The following IQCM variants were observed in gnomAD, a reference collection of about 807,000 sequenced individuals.
IQCM encodes the protein IQ motif containing M.
A neutral mutation model predicts 57.6 loss-of-function variants in IQCM; 45 were observed. The observed-to-expected ratio is 0.78, with a 90% confidence interval of 0.62 to 1.00. IQCM has a LOEUF of 1.00. IQCM is among the 50% of genes least tolerant of loss of function. The pLI, the probability that IQCM is intolerant of heterozygous loss-of-function variation, is 0.00. For synonymous variants in IQCM, 148 were observed against 158.9 expected (o/e 0.93, Z 0.51); for missense variants, 468 against 511.6 (o/e 0.91, Z 0.82).
At chr4:149,540,690 C>T (rs1747766101) in intron 12 of IQCM, among the ~76,000 whole-genome samples, 1 of 152,042 alleles carries the variant, frequency 6.6e-6, no homozygotes, top group Non-Finnish European at 1.5e-5. Flanking sequence ...TATTTTTATT[C>T]TATTAATGAA....
At chr4:149,395,457 C>T (rs1311208198) in intron 13 of IQCM, among the ~76,000 whole-genome samples, 1 of 151,946 alleles carries the variant, frequency 6.6e-6, no homozygotes, top group Non-Finnish European at 1.5e-5. Context: ...GCTGCTCTTT[C>T]GAGAATGATT....
chr4:149,584,602 T>C (rs1292563339), intron 9 of IQCM, among the ~76,000 whole-genome samples: 1 of 151,470 alleles, frequency 6.6e-6, no homozygotes, highest in Admixed American at 6.6e-5. Context: ...TTTAACATTA[T>C]AGCTCTGTTT....
rs148579124 is a variant in IQCM at position 149,609,884 on chromosome 4, G to A, written c.681+11245C>T. On this transcript the variant is annotated intron_variant, in intron 8 of 13. Coordinates refer to ENST00000636793, the MANE Select transcript of IQCM (RefSeq NM_001363507.2). Reference sequence around the variant, plus strand: ...CAACATAGCACTATAAGTCTTAGACGGAGTATTTAACAAGAAAAATAAAGG... The same window carrying A: ...CAACATAGCACTATAAGTCTTAGACAGAGTATTTAACAAGAAAAATAAAGG... Among the ~76,000 whole-genome samples, 1,025 of 151,206 alleles carry A rather than the reference G, an allele frequency of 6.8e-3. 8 individuals carry two copies. Among genetic ancestry groups the A allele is most frequent in the African/African-American group, 0.022 (912 of 41,394 alleles).
In IQCM at chr4:149,482,205, A is replaced by G. The variant is rs533212352; in HGVS notation, c.1229-48648T>C. ...GAAGTCTGTAGGCTTTTCCAAATAT[A>G]AGATCACATCATCTGCAAATAAAGA... On this transcript the variant is annotated intron_variant, in intron 12 of 13. Coordinates refer to ENST00000636793, the MANE Select transcript of IQCM (RefSeq NM_001363507.2). 4.7e-4 allele frequency among the ~76,000 whole-genome samples: 72 copies of G among 152,130 alleles called. 1 individual carries two copies. The South Asian group carries it at 0.015, about 32-fold the overall frequency.
intron 5 of IQCM, among the ~76,000 whole-genome samples, chr4:149,723,192 T>G (rs1489804426): frequency 6.6e-6 from 1 of 151,776 alleles, no homozygotes; most frequent in South Asian, 2.1e-4. Context: ...TTTGGAGGAG[T>G]CTTTAGGGTT....
At chr4:149,610,072 G>A (rs766648024) in intron 8 of IQCM, among the ~76,000 whole-genome samples, 26 of 151,772 alleles carry the variant, frequency 1.7e-4, no homozygotes, top group Non-Finnish European at 2.7e-4. Flanking sequence ...TCAGTAGCAT[G>A]TTTATATGCC....
At position 149,476,686 on chromosome 4, in the gene IQCM, T is replaced by C. The variant is rs544433386; in HGVS notation, c.1229-43129A>G. Among the ~76,000 whole-genome samples the C allele has an allele frequency of 6.4e-4, 98 of 152,292 alleles. No individual in the cohort carries two copies. The Middle Eastern group carries it at 0.01, about 16-fold the overall frequency. Reference sequence around the variant, plus strand: ...TAGAGGAGGCTGGATCCCATATATCTATCAGACTAGATTTAGTCTAAGCTC... The same window carrying C: ...TAGAGGAGGCTGGATCCCATATATCCATCAGACTAGATTTAGTCTAAGCTC... On this transcript the variant is annotated intron_variant, in intron 12 of 13. Transcript: ENST00000636793.
intron 12 of IQCM, among the ~76,000 whole-genome samples, chr4:149,475,961 T>C (rs576450300): frequency 7.9e-5 from 12 of 152,230 alleles, no homozygotes; most frequent in African/African-American, 2.9e-4. Flanking sequence ...TGGATGACTC[T>C]TTCAAGAAAG....
chr4:149,522,726 A>T (rs1745778469), intron 12 of IQCM, among the ~76,000 whole-genome samples: 1 of 152,174 alleles, frequency 6.6e-6, no homozygotes, highest in Non-Finnish European at 1.5e-5. Flanking sequence ...AGAAAAAAGT[A>T]ACTACAGAAG....
chr4:149,785,082 A>C (rs1229650836), intron 2 of IQCM, among the ~76,000 whole-genome samples: 1 of 152,224 alleles, frequency 6.6e-6, no homozygotes, highest in East Asian at 1.9e-4. Flanking sequence ...CAGAAAATGC[A>C]TCCATGGCTA....
intron 2 of IQCM, among the ~76,000 whole-genome samples, chr4:149,789,391 C>T (rs1309615881): frequency 1.3e-5 from 2 of 152,140 alleles, no homozygotes; most frequent in Admixed American, 1.3e-4. Flanking sequence ...GCCATTTGTA[C>T]CCCCAATTCC....
chr4:149,380,741 A>T (rs1160846451), intron 13 of IQCM, among the ~76,000 whole-genome samples: 3 of 152,152 alleles, frequency 2.0e-5, no homozygotes, highest in Admixed American at 6.5e-5. Context: ...GAGTGCTAAG[A>T]CATCCCACAG....
chr4:149,497,762 A>G (rs992441006), intron 12 of IQCM, among the ~76,000 whole-genome samples: 2 of 150,984 alleles, frequency 1.3e-5, no homozygotes, highest in Non-Finnish European at 3.0e-5. Context: ...AAAAAAAAAA[A>G]GGAAGAAAAA....
At chr4:149,573,873 C>A (rs1024409315) in intron 9 of IQCM, among the ~76,000 whole-genome samples, 4 of 151,872 alleles carry the variant, frequency 2.6e-5, no homozygotes, top group Admixed American at 6.6e-5. Flanking sequence ...TAATTCCAAG[C>A]CTTCTTGATC....
intron 5 of IQCM, among the ~76,000 whole-genome samples, chr4:149,692,250 A>G (rs547951940): frequency 2.0e-5 from 3 of 152,276 alleles, no homozygotes; most frequent in East Asian, 1.9e-4. Flanking sequence ...TAGGGGGAAA[A>G]TAAGTCTTTA....
chr4:149,570,408 C>T (rs988533543), intron 9 of IQCM, among the ~76,000 whole-genome samples: 4 of 151,964 alleles, frequency 2.6e-5, no homozygotes, highest in African/African-American at 7.2e-5. Context: ...AACCAGCTCG[C>T]TCTTTTCTAT....
chr4:149,439,442 T>C (rs1052511894), intron 12 of IQCM, among the ~76,000 whole-genome samples: 6 of 152,066 alleles, frequency 3.9e-5, no homozygotes, highest in African/African-American at 1.4e-4. Flanking sequence ...ATCATATCAC[T>C]ATATATAAAT....
At chr4:149,539,615 T>A (rs1315628738) in intron 12 of IQCM, among the ~76,000 whole-genome samples, 1 of 152,126 alleles carries the variant, frequency 6.6e-6, no homozygotes, top group African/African-American at 2.4e-5. Context: ...ATGCCTGTAA[T>A]CCCAGTAGGC....
intron 7 of IQCM, among the ~76,000 whole-genome samples, chr4:149,681,223 C>T (rs1325016391): frequency 6.6e-6 from 1 of 151,232 alleles, no homozygotes; most frequent in Middle Eastern, 3.2e-3. Flanking sequence ...TACTTCCACA[C>T]ATGTATATTC....
Sources: allele counts gnomAD v4.1 joint callset (sites outside exome capture counted in the v4.1 genomes callset), GRCh38; gene constraint gnomAD v4.1.1; transcripts MANE v1.5; gene names NCBI Gene and HGNC (gene_info 2026-07-23, HGNC 2026-07-21).